LYPLAL1: variants seen among roughly 807,000 people sequenced by gnomAD.
LYPLAL1 encodes the protein lysophospholipase-like protein 1.
In LYPLAL1, 23 loss-of-function variants were observed where a neutral mutation model predicts 19.7. The ratio of observed to expected loss-of-function variants is 1.17; its 90% CI spans 0.84 to 1.65. The LOEUF is 1.65. LYPLAL1 is among the 40% of genes most tolerant of loss of function. The probability of loss-of-function intolerance (pLI) is 0.00; values close to 1 mark genes in which losing one functional copy is unlikely to be tolerated. For missense variants in LYPLAL1, 355 were observed against 279.4 expected, an observed-to-expected ratio of 1.27 and a Z score of -1.93; for synonymous variants, 119 against 96.3, an observed-to-expected ratio of 1.24 and a Z score of -1.38.
At chr1:219,362,823 A>C in the LYPLAL1 span, among the ~76,000 whole-genome samples, 1 of 152,072 alleles carries the variant, frequency 6.6e-6, no homozygotes, top group East Asian at 1.9e-4. Context: ...TTTTAGGGAG[A>C]TCAACCAGTC....
the LYPLAL1 span, among the ~76,000 whole-genome samples, chr1:219,321,279 G>A: frequency 3.3e-5 from 5 of 152,290 alleles, no homozygotes; most frequent in African/African-American, 1.2e-4. Flanking sequence ...CCCACTTTTT[G>A]ATGGGGTTGT....
At chr1:219,375,062 T>C in the LYPLAL1 span, among the ~76,000 whole-genome samples, 3 of 152,200 alleles carry the variant, frequency 2.0e-5, no homozygotes, top group Non-Finnish European at 4.4e-5. Flanking sequence ...TACCATTACA[T>C]AGCTGTTCAA....
chr1:219,218,490 G>A, the LYPLAL1 span, among the ~76,000 whole-genome samples: 1 of 138,658 alleles, frequency 7.2e-6, no homozygotes, highest in Non-Finnish European at 1.6e-5. Context: ...TTAAAACATC[G>A]AGACTTTTTT....
the LYPLAL1 span, among the ~76,000 whole-genome samples, chr1:219,294,755 A>G: frequency 5.3e-5 from 8 of 152,332 alleles, no homozygotes; most frequent in South Asian, 8.3e-4. Context: ...AAATTAGCAC[A>G]TAATAGGTTT....
the LYPLAL1 span, among the ~76,000 whole-genome samples, chr1:219,290,036 G>T: frequency 6.6e-6 from 1 of 152,176 alleles, no homozygotes; most frequent in South Asian, 2.1e-4. Context: ...GCAAAATCCT[G>T]GAGGTTTGGC....
the LYPLAL1 span, among the ~76,000 whole-genome samples, chr1:219,341,940 A>G: frequency 6.6e-6 from 1 of 152,176 alleles, no homozygotes; most frequent in East Asian, 1.9e-4. Context: ...TTTTAAATTA[A>G]GGTCAGGCTG....
chr1:219,275,196 A>ACTTG, the LYPLAL1 span, among the ~76,000 whole-genome samples: 1 of 152,168 alleles, frequency 6.6e-6, no homozygotes, highest in East Asian at 1.9e-4. Context: ...GTCTCTTCTG[A>ACTTG]CTGATCTCAC....
At chr1:219,433,112 G>C in the LYPLAL1 span, among the ~76,000 whole-genome samples, 1 of 152,174 alleles carries the variant, frequency 6.6e-6, no homozygotes, top group Non-Finnish European at 1.5e-5. Context: ...GGATTAATGT[G>C]CTGAAGGACA....
chr1:219,185,239 A>G (rs1656632705), intron 2 of LYPLAL1, among the ~76,000 whole-genome samples: 1 of 151,788 alleles, frequency 6.6e-6, no homozygotes, highest in Non-Finnish European at 1.5e-5. Context: ...TGTTGTTGAT[A>G]ACTTTTATTT....
chr1:219,187,557 T>A (rs6701914), intron 2 of LYPLAL1, among the ~76,000 whole-genome samples: 20,698 of 151,736 alleles, frequency 0.14, 1,488 homozygotes, highest in East Asian at 0.26. Context: ...TAACAAGCCA[T>A]TTATGATTTA....
rs756393966 is a variant in LYPLAL1 at position 219,173,937 on chromosome 1, C to T, written c.47C>T (p.Pro16Leu). ...GSVLQRCIVS[P>L]AGRHSASLIF... ...GTTCTGCAGCGCTGTATCGTGTCGC[C>T]GGCAGGGAGGCATAGCGCCTCTCTG... Residue 16 changes from proline (P) to leucine (L), a missense_variant, in exon 1 of 5, where the codon CCG becomes CTG. By Grantham distance (98) the Pro-to-Leu change is moderately conservative. Coordinates refer to ENST00000366928, the MANE Select transcript of LYPLAL1 (RefSeq NM_138794.5). The T allele has an allele frequency of 6.2e-7, 1 of 1,613,968 alleles. No homozygotes were observed. The highest frequency in any genetic ancestry group is 8.5e-7 in the Non-Finnish European group (1 of 1,179,974).
At chr1:219,222,407 ATTGT>A in the LYPLAL1 span, 1 of 152,126 alleles carries the variant, frequency 6.6e-6, no homozygotes, top group Non-Finnish European at 1.5e-5. Flanking sequence ...CCCATGGGAA[ATTGT>A]TTGTCTCAGG....
chr1:219,374,136 A>T, the LYPLAL1 span, among the ~76,000 whole-genome samples: 4,294 of 136,348 alleles, frequency 0.031, 86 homozygotes, highest in South Asian at 0.059. Context: ...TTTTGTGTGG[A>T]TTTTTTTTTT....
the LYPLAL1 span, among the ~76,000 whole-genome samples, chr1:219,278,239 G>A: frequency 6.6e-6 from 1 of 152,108 alleles, no homozygotes. Context: ...TTGCTGCTAT[G>A]TCTCTTGCTC....
the LYPLAL1 span, among the ~76,000 whole-genome samples, chr1:219,277,490 A>G: frequency 2.6e-5 from 4 of 152,164 alleles, no homozygotes; most frequent in African/African-American, 9.7e-5. Context: ...GCCTTGTTCC[A>G]TACAGATGAC....
At chr1:219,257,671 G>T in the LYPLAL1 span, among the ~76,000 whole-genome samples, 120 of 152,066 alleles carry the variant, frequency 7.9e-4, no homozygotes, top group African/African-American at 2.8e-3. Flanking sequence ...AAGGCAAAGG[G>T]CAAATCAAAG....
At chr1:219,388,775 G>A in the LYPLAL1 span, among the ~76,000 whole-genome samples, 1 of 152,144 alleles carries the variant, frequency 6.6e-6, no homozygotes. Flanking sequence ...AACATTAAGG[G>A]AAAATCTAGG....
the LYPLAL1 span, among the ~76,000 whole-genome samples, chr1:219,221,630 A>G: frequency 6.6e-6 from 1 of 152,182 alleles, no homozygotes; most frequent in Non-Finnish European, 1.5e-5. Context: ...TGTTTCAAGG[A>G]GGCAAAGCCC....
At chr1:219,385,452 C>T in the LYPLAL1 span, among the ~76,000 whole-genome samples, 2 of 152,102 alleles carry the variant, frequency 1.3e-5, no homozygotes, top group Non-Finnish European at 2.9e-5. Context: ...TATTTGAGCA[C>T]AATATATGTG....
Sources: gnomAD v4.1 joint callset for allele counts (sites outside exome capture counted in the v4.1 genomes callset) on GRCh38, gnomAD v4.1.1 for gene constraint, MANE v1.5 for transcripts, NCBI Gene and HGNC (gene_info 2026-07-23, HGNC 2026-07-21) for gene names.